The following NFASC variants were observed in gnomAD, a reference collection of about 807,000 sequenced individuals.
NFASC encodes neurofascin, also known as neurofascin homolog.
Under a neutral mutation model 147.5 loss-of-function variants are expected in NFASC, and 43 were observed. The observed-to-expected ratio is 0.29, with a 90% CI of 0.23 to 0.38. The LOEUF is 0.38. NFASC is among the 10% of genes least tolerant of loss of function. The probability of loss-of-function intolerance (pLI) is 1.00; values close to 1 mark genes in which losing one functional copy is unlikely to be tolerated. For synonymous variants in NFASC, 622 were observed against 665.5 expected, an observed-to-expected ratio of 0.93 and a Z score of 1.01; for missense variants, 1,320 against 1,689.0, an observed-to-expected ratio of 0.78 and a Z score of 3.83.
chr1:204,911,761 G>C (rs909949639), intron 1 of NFASC, among the ~76,000 whole-genome samples: 4 of 151,822 alleles, frequency 2.6e-5, no homozygotes, highest in African/African-American at 7.3e-5. Flanking sequence ...TGGCCTGAAG[G>C]TTTCCTTTTT....
At chr1:204,851,725 A>T (rs901118241) in intron 1 of NFASC, among the ~76,000 whole-genome samples, 4 of 152,260 alleles carry the variant, frequency 2.6e-5, no homozygotes, top group Admixed American at 1.3e-4. Context: ...GCCTTTATGC[A>T]TATAACAATC....
At chr1:204,904,795 T>C (rs1299977514) in intron 1 of NFASC, among the ~76,000 whole-genome samples, 1 of 152,226 alleles carries the variant, frequency 6.6e-6, no homozygotes, top group East Asian at 1.9e-4. Flanking sequence ...TGTTGGTTCA[T>C]GACTCACTCT....
intron 1 of NFASC, among the ~76,000 whole-genome samples, chr1:204,834,791 G>C (rs556993049): frequency 6.6e-6 from 1 of 152,104 alleles, no homozygotes; most frequent in Non-Finnish European, 1.5e-5. Flanking sequence ...AGGATTTCCC[G>C]GTCAGTCCTA....
intron 25 of NFASC, chr1:205,000,550 C>T (rs2095955574): frequency 6.5e-6 from 1 of 154,420 alleles, no homozygotes; most frequent in Non-Finnish European, 1.4e-5. Flanking sequence ...GCCTCCTCCT[C>T]CTGGCCACAC....
chr1:204,833,561 G>C (rs1672855701), intron 1 of NFASC, among the ~76,000 whole-genome samples: 1 of 151,754 alleles, frequency 6.6e-6, no homozygotes, highest in Admixed American at 6.6e-5. Flanking sequence ...CAGTTAGAAG[G>C]CATTTTTGAA....
chr1:204,958,824 AGGT>A (rs1468439064), intron 8 of NFASC, among the ~76,000 whole-genome samples: 2 of 152,140 alleles, frequency 1.3e-5, no homozygotes, highest in African/African-American at 4.8e-5. Flanking sequence ...GCCCCTGCAG[AGGT>A]GGTGAACAAT....
At chr1:204,860,120 A>G (rs2076532179) in intron 1 of NFASC, among the ~76,000 whole-genome samples, 1 of 152,186 alleles carries the variant, frequency 6.6e-6, no homozygotes, top group Admixed American at 6.5e-5. Context: ...GCTCCTTCCC[A>G]GCCTACAGGC....
intron 8 of NFASC, among the ~76,000 whole-genome samples, chr1:204,960,241 C>T (rs923389888): frequency 3.3e-5 from 5 of 152,228 alleles, no homozygotes; most frequent in African/African-American, 9.6e-5. Context: ...CTCATCATGT[C>T]CCATTTTTAT....
At chr1:204,977,064 G>C (rs1186101393) in intron 16 of NFASC, 19 of 1,239,484 alleles carry the variant, frequency 1.5e-5, no homozygotes, top group Non-Finnish European at 1.7e-5. Context: ...AAAGTGGAGA[G>C]GGGTTTCTCG....
At chr1:204,994,997 A>G (rs758317768) in intron 24 of NFASC, among the ~76,000 whole-genome samples, 1 of 151,910 alleles carries the variant, frequency 6.6e-6, no homozygotes, top group Non-Finnish European at 1.5e-5. Flanking sequence ...AGCTGGACCT[A>G]TAGTCCCAGC....
At chr1:204,924,686 G>T (rs2091168241) in intron 2 of NFASC, among the ~76,000 whole-genome samples, 1 of 152,220 alleles carries the variant, frequency 6.6e-6, no homozygotes, top group Admixed American at 6.5e-5. Flanking sequence ...ATAACCATCT[G>T]TTGGCTCTAA....
rs2095344685 is a variant in NFASC at position 204,974,296 on chromosome 1, T to C, written c.1391+6T>C. 1 of 1,607,306 alleles carries C rather than the reference T, an allele frequency of 6.2e-7. No individual in the cohort carries two copies. The highest frequency in any genetic ancestry group is 8.5e-7 in the Non-Finnish European group (1 of 1,174,150). On this transcript the variant is annotated splice_donor_region_variant and intron_variant, in intron 13 of 29. Transcript: ENST00000339876. ...CCCATCCCCACACTGCGATGGTAAG[T>C]TCCAGGAGATCAGGCCTTCCACAGC...
intron 1 of NFASC, among the ~76,000 whole-genome samples, chr1:204,902,576 A>G (rs1402891879): frequency 5.9e-5 from 9 of 152,148 alleles, no homozygotes; most frequent in Admixed American, 1.3e-4. Context: ...AAATTAGACA[A>G]TGACATGGAT....
At chr1:204,835,284 G>A (rs1216856164) in intron 1 of NFASC, among the ~76,000 whole-genome samples, 1 of 136,460 alleles carries the variant, frequency 7.3e-6, no homozygotes, top group Non-Finnish European at 1.5e-5. Context: ...GCAGTGGCAC[G>A]ATCTTGACTC....
intron 1 of NFASC, among the ~76,000 whole-genome samples, chr1:204,830,006 GGTGTGTGTGT>G (rs58294218): frequency 6.0e-4 from 86 of 144,094 alleles, no homozygotes; most frequent in East Asian, 3.2e-3. Flanking sequence ...TTTGGCATGG[GGTGTGTGTGT>G]GTGTGTGTGT....
intron 29 of NFASC, among the ~76,000 whole-genome samples, chr1:205,014,246 C>A (rs2841632): frequency 2.3e-4 from 35 of 152,030 alleles, no homozygotes; most frequent in African/African-American, 6.8e-4. Context: ...AGACACTGAC[C>A]CTGGGTCTAC....
intron 3 of NFASC, among the ~76,000 whole-genome samples, chr1:204,945,451 C>T (rs994867804): frequency 2.6e-5 from 4 of 152,188 alleles, no homozygotes; most frequent in African/African-American, 9.7e-5. Flanking sequence ...CCTGGAGTTA[C>T]CACAGTTTGG....
chr1:204,916,949 G>A (rs1345853827), intron 1 of NFASC, among the ~76,000 whole-genome samples: 2 of 152,148 alleles, frequency 1.3e-5, no homozygotes, highest in Non-Finnish European at 2.9e-5. Context: ...GGGCACGGTG[G>A]CACATGCCTA....
chr1:204,975,282 A>G lies in NFASC; in HGVS notation c.1570A>G (p.Ile524Val). Residue 524 changes from isoleucine to valine, a missense_variant, in exon 15 of 30, where the codon ATC becomes GTC. Coordinates refer to ENST00000339876, the MANE Select transcript of NFASC (RefSeq NM_001005388.3). The surrounding 1 kb of genome is among the most constrained non-coding windows in gnomAD (Gnocchi z 4.0). ...VRLEVKDPTR[I>V]YRMPEDQVAR... ...GGGCTTCTCCACAGACCCCACCAGGATCTACCGGATGCCCGAGGACCAGGT... is the reference window on the plus strand; with the variant it reads ...GGGCTTCTCCACAGACCCCACCAGGGTCTACCGGATGCCCGAGGACCAGGT... 2 of 1,612,842 alleles carry G rather than the reference A, an allele frequency of 1.2e-6. No homozygotes were observed. Among genetic ancestry groups the G allele is most frequent in the Non-Finnish European group, 8.5e-7 (1 of 1,179,278 alleles).
Sources: allele counts gnomAD v4.1 joint callset (sites outside exome capture counted in the v4.1 genomes callset), GRCh38; gene constraint gnomAD v4.1.1; non-coding constraint Gnocchi (gnomAD v3.1); transcripts MANE v1.5; gene names NCBI Gene and HGNC (gene_info 2026-07-23, HGNC 2026-07-21).